The following SGSM1 variants were observed in gnomAD, a reference collection of about 807,000 sequenced individuals.
SGSM1 encodes the protein small G protein signaling modulator 1, also known as RUN and TBC1 domain containing 2.
In SGSM1, 73 loss-of-function variants were observed where a neutral mutation model predicts 133.8. That is an observed-to-expected ratio of 0.55 (90% CI 0.45 to 0.66). SGSM1 has a LOEUF of 0.66. SGSM1 is among the 30% of genes least tolerant of loss of function. The pLI is 0.00. For synonymous variants in SGSM1, 563 were observed against 573.0 expected, an observed-to-expected ratio of 0.98 and a Z score of 0.25; for missense variants, 1,213 against 1,448.1, an observed-to-expected ratio of 0.84 and a Z score of 2.64.
At chr22:24,807,575 C>A (rs1298034670) in intron 2 of SGSM1, among the ~76,000 whole-genome samples, 1 of 151,986 alleles carries the variant, frequency 6.6e-6, no homozygotes, top group African/African-American at 2.4e-5. Context: ...TGTTGCCCTC[C>A]CCATTCTTCA....
At chr22:24,868,657 T>C (rs1931593518) in intron 11 of SGSM1, 66 bp from the exon 12 acceptor site, 1 of 1,609,272 alleles carries the variant, frequency 6.2e-7, no homozygotes, top group African/African-American at 1.3e-5. Context: ...ACTGATACCC[T>C]CAGACTAAGC....
At chr22:24,824,504 A>G (rs1365426454) in intron 2 of SGSM1, among the ~76,000 whole-genome samples, 1 of 151,210 alleles carries the variant, frequency 6.6e-6, no homozygotes, top group Non-Finnish European at 1.5e-5. Context: ...CACCAGCCCC[A>G]TTCCAACCCC....
At chr22:24,851,442 G>GGA (rs1601921740) in intron 5 of SGSM1, among the ~76,000 whole-genome samples, 1 of 137,456 alleles carries the variant, frequency 7.3e-6, no homozygotes, top group Non-Finnish European at 1.5e-5. Context: ...GGGAGGGGGG[G>GGA]GTGGGGGGAG....
At chr22:24,899,518 CTT>C (rs56027362) in intron 19 of SGSM1, among the ~76,000 whole-genome samples, 49,232 of 133,594 alleles carry the variant, frequency 0.37, 9,163 homozygotes, top group East Asian at 0.55. Flanking sequence ...CTTTTCTTTT[CTT>C]TTTTTTTTTT....
At chr22:24,839,438 CAT>C (rs1929662818) in intron 2 of SGSM1, among the ~76,000 whole-genome samples, 1 of 152,166 alleles carries the variant, frequency 6.6e-6, no homozygotes, top group Admixed American at 6.5e-5. Flanking sequence ...GCATATTTAT[CAT>C]AGATATTGGT....
chr22:24,885,330 A>G (rs1932538045), intron 15 of SGSM1, among the ~76,000 whole-genome samples: 1 of 151,986 alleles, frequency 6.6e-6, no homozygotes, highest in African/African-American at 2.4e-5. Flanking sequence ...TAATTAAAAT[A>G]TTAATTCATT....
At position 24,886,714 on chromosome 22, in the gene SGSM1, A is replaced by T; in HGVS notation, c.1756A>T (p.Thr586Ser). The part of the protein sequence containing the change: ...LGHYQFGMTE[T>S]ERKEVDEQIH... ...CCACTACCAGTTCGGGATGACGGAA[A>T]CAGAAAGGAAAGAGGTCGGTTACCT... Residue 586 changes from threonine to serine, a missense_variant, in exon 16 of 25, where the codon ACA becomes TCA. Transcript: ENST00000400358. 6.3e-7 allele frequency: 1 copy of T among 1,585,128 alleles called. No homozygotes were observed. The highest frequency in any genetic ancestry group is 8.6e-7 in the Non-Finnish European group (1 of 1,166,004).
chr22:24,835,876 C>T (rs1010654039), intron 2 of SGSM1, among the ~76,000 whole-genome samples: 6 of 151,954 alleles, frequency 3.9e-5, no homozygotes, highest in African/African-American at 1.2e-4. Context: ...AGAGGAGGGA[C>T]GTGGTTTGAT....
At chr22:24,851,449 G>GA (rs529456070) in intron 5 of SGSM1, among the ~76,000 whole-genome samples, 1 of 112,822 alleles carries the variant, frequency 8.9e-6, no homozygotes, top group African/African-American at 3.5e-5. Flanking sequence ...GGGGGTGGGG[G>GA]GAGAGAGAGA....
chr22:24,868,341 T>C, intron 10 of SGSM1, 35 bp from the exon 11 acceptor site: 1 of 1,589,274 alleles, frequency 6.3e-7, no homozygotes, highest in Non-Finnish European at 8.6e-7. Context: ...CATAGTGACT[T>C]CCACTGGGTC....
At chr22:24,806,872 A>C (rs1231140540) in intron 2 of SGSM1, among the ~76,000 whole-genome samples, 1 of 151,854 alleles carries the variant, frequency 6.6e-6, no homozygotes, top group Non-Finnish European at 1.5e-5. Flanking sequence ...GTGCTGGAGG[A>C]GGGGCTCTGA....
chr22:24,895,616 A>C (rs1601966061), intron 18 of SGSM1, among the ~76,000 whole-genome samples: 1 of 152,190 alleles, frequency 6.6e-6, no homozygotes, highest in East Asian at 1.9e-4. Flanking sequence ...GCATATACAT[A>C]CACAGAAATA....
At chr22:24,878,355 A>G (rs1932139313) in intron 13 of SGSM1, among the ~76,000 whole-genome samples, 2 of 152,180 alleles carry the variant, frequency 1.3e-5, no homozygotes, top group South Asian at 4.1e-4. Flanking sequence ...TGGAGAGCTC[A>G]CTACTTTGCA....
chr22:24,870,865 A>T (rs1187310463), intron 12 of SGSM1, among the ~76,000 whole-genome samples: 1 of 152,178 alleles, frequency 6.6e-6, no homozygotes, highest in Non-Finnish European at 1.5e-5. Context: ...TCCATGGGAG[A>T]TTAAGCACAG....
intron 21 of SGSM1, 142 bp downstream of exon 21, chr22:24,905,329 T>G (rs1933335563): frequency 1.3e-6 from 1 of 791,538 alleles, no homozygotes; most frequent in African/African-American, 1.7e-5. Context: ...CACATCAAGA[T>G]CCTAGTGAAA....
At chr22:24,813,454 C>T (rs1042105098) in intron 2 of SGSM1, among the ~76,000 whole-genome samples, 6 of 152,114 alleles carry the variant, frequency 3.9e-5, no homozygotes, top group Non-Finnish European at 8.8e-5. Context: ...GGAATCACAG[C>T]CCCCCACCCA....
At chr22:24,875,770 G>A (rs546003637) in intron 12 of SGSM1, among the ~76,000 whole-genome samples, 7 of 152,138 alleles carry the variant, frequency 4.6e-5, no homozygotes, top group African/African-American at 7.2e-5. Context: ...TGTTTGTTAC[G>A]TGGTTTTGTA....
At chr22:24,827,880 G>A (rs555461293) in intron 2 of SGSM1, among the ~76,000 whole-genome samples, 1 of 152,118 alleles carries the variant, frequency 6.6e-6, no homozygotes, top group Admixed American at 6.5e-5. Flanking sequence ...CTGACACCCT[G>A]TCCTTTATGC....
At chr22:24,846,846 G>A (rs544393471) in intron 3 of SGSM1, among the ~76,000 whole-genome samples, 1 of 145,716 alleles carries the variant, frequency 6.9e-6, no homozygotes, top group African/African-American at 2.5e-5. Context: ...GTTTTTTGGG[G>A]TTTTTTTTTT....
Sources: allele counts gnomAD v4.1 joint callset (sites outside exome capture counted in the v4.1 genomes callset), GRCh38; gene constraint gnomAD v4.1.1; transcripts MANE v1.5; gene names NCBI Gene and HGNC (gene_info 2026-07-23, HGNC 2026-07-21).